Variants in PACS1 observed in about 807,000 individuals in gnomAD.
PACS1 encodes phosphofurin acidic cluster sorting protein 1.
Under a neutral mutation model 115.0 loss-of-function variants are expected in PACS1, and 24 were observed. The ratio of observed to expected loss-of-function variants is 0.21; its 90% CI spans 0.15 to 0.29. PACS1 has a LOEUF of 0.29. PACS1 is among the 10% of genes least tolerant of loss of function. The probability of loss-of-function intolerance (pLI) is 1.00; values close to 1 mark genes in which losing one functional copy is unlikely to be tolerated. For missense variants in PACS1, 838 were observed against 1,251.2 expected, an observed-to-expected ratio of 0.67 and a Z score of 4.98; for synonymous variants, 453 against 504.5, an observed-to-expected ratio of 0.90 and a Z score of 1.37.
chr11:66,070,696 G>A lies in PACS1; in HGVS notation c.210G>A (p.Ser70=). ...CGGCGGCTGCCTCCTCCTCGTCCTC[G>A]TCTACCTCCACCTCCATGGCCGTGG... ...TSAAAASSSS[S]STSTSMAVAV... is the part of the protein sequence containing the mutation. The change falls in exon 1 of 24, where the codon TCG becomes TCA. Residue 70 remains serine (S), a synonymous_variant. Transcript: ENST00000320580. The surrounding 1 kb of genome is among the most constrained non-coding windows in gnomAD (Gnocchi z 5.9). The A allele has an allele frequency of 6.3e-7, 1 of 1,580,956 alleles. No homozygotes were observed. The highest frequency in any genetic ancestry group is 8.5e-7 in the Non-Finnish European group (1 of 1,171,160).
intron 12 of PACS1, 25 bp downstream of exon 12, chr11:66,230,688 G>T (rs776391150): frequency 5.6e-6 from 9 of 1,610,014 alleles, no homozygotes; most frequent in Admixed American, 5.0e-5. Context: ...AAGGAAGCAG[G>T]GGGTACAGCC....
At chr11:66,196,553 T>A (rs2134677925) in intron 2 of PACS1, among the ~76,000 whole-genome samples, 1 of 152,326 alleles carries the variant, frequency 6.6e-6, no homozygotes, top group Non-Finnish European at 1.5e-5. Flanking sequence ...TGAACAGAGT[T>A]ACCCTATCAA....
At chr11:66,104,935 T>G (rs547343930) in intron 1 of PACS1, among the ~76,000 whole-genome samples, 1 of 152,324 alleles carries the variant, frequency 6.6e-6, no homozygotes, top group South Asian at 2.1e-4. Context: ...CAGTAAGTAA[T>G]TGTTGAATAA....
intron 1 of PACS1, among the ~76,000 whole-genome samples, chr11:66,082,292 A>G (rs1025653558): frequency 1.6e-4 from 24 of 152,132 alleles, no homozygotes; most frequent in African/African-American, 5.8e-4. Flanking sequence ...TGGTACAATC[A>G]TAGCTCACTG....
intron 4 of PACS1, among the ~76,000 whole-genome samples, chr11:66,214,496 C>A: frequency 6.6e-6 from 1 of 151,850 alleles, no homozygotes; most frequent in Non-Finnish European, 1.5e-5. Context: ...TCCTTCCTTC[C>A]TTCCTTCCTT....
chr11:66,180,231 C>CA lies in PACS1; in HGVS notation c.357-13248dup, dbSNP rs1164303640. Among the ~76,000 whole-genome samples, 2 of 151,604 alleles carry CA rather than the reference C, an allele frequency of 1.3e-5. 1 individual carries two copies. Among genetic ancestry groups the CA allele is most frequent in the South Asian group, 4.2e-4 (2 of 4,812 alleles). ...TGGGCAACAGTGAGAAACTTTGTCT[C>CA]AAAAAAACAAAAAACAAGATATTAA... On this transcript the variant is annotated intron_variant, in intron 1 of 23. Transcript: ENST00000320580.
intron 2 of PACS1, among the ~76,000 whole-genome samples, chr11:66,198,418 A>G (rs1854696592): frequency 2.0e-5 from 3 of 152,254 alleles, no homozygotes; most frequent in South Asian, 4.1e-4. Context: ...TCGGAATACT[A>G]TTTGGCAATA....
At chr11:66,202,743 AT>A (rs55787558) in intron 2 of PACS1, among the ~76,000 whole-genome samples, 8,223 of 58,634 alleles carry the variant, frequency 0.14, 2,031 homozygotes, top group Admixed American at 0.23. Flanking sequence ...AAAAAAAAAA[AT>A]ATATATATAT....
At chr11:66,084,593 A>T (rs997274832) in intron 1 of PACS1, among the ~76,000 whole-genome samples, 1 of 151,974 alleles carries the variant, frequency 6.6e-6, no homozygotes, top group African/African-American at 2.4e-5. Context: ...GGAGGTGGAG[A>T]TGAGAAAGTG....
At chr11:66,118,150 T>C (rs1380249965) in intron 1 of PACS1, among the ~76,000 whole-genome samples, 1 of 152,196 alleles carries the variant, frequency 6.6e-6, no homozygotes, top group African/African-American at 2.4e-5. Flanking sequence ...TAGGTATAAG[T>C]AAAGAGAATA....
intron 1 of PACS1, among the ~76,000 whole-genome samples, chr11:66,087,281 C>T (rs964775250): frequency 1.3e-5 from 2 of 151,708 alleles, no homozygotes; most frequent in African/African-American, 2.4e-5. Context: ...TGCTCTGTCG[C>T]CTAGGCTGGA....
rs10896101 is a variant in PACS1, at chr11:66,215,914, T to A, written c.661-205T>A. 0.16 allele frequency among the ~76,000 whole-genome samples: 22,519 copies of A among 137,110 alleles called. 1,856 individuals are homozygous for A. The highest frequency in any genetic ancestry group is 0.23 in the East Asian group (1,040 of 4,590). The allele number at this position is 137,110 out of a possible 152,430, so 89.9% of individuals were successfully genotyped here. ...GACTCCGTCTCAAAAATAATAATAA[T>A]AATAATAATAATAATAATAATAATA... On this transcript the variant is annotated intron_variant, in intron 4 of 23. Coordinates refer to ENST00000320580, the MANE Select transcript of PACS1 (RefSeq NM_018026.4).
At chr11:66,198,116 T>G (rs1854689529) in intron 2 of PACS1, among the ~76,000 whole-genome samples, 3 of 152,272 alleles carry the variant, frequency 2.0e-5, no homozygotes, top group Admixed American at 2.0e-4. Flanking sequence ...GGTCTTGCTG[T>G]GTTGCCCAGG....
In PACS1 at chr11:66,164,602, A is replaced by G. The variant is rs191796393; in HGVS notation, c.357-28884A>G. ...TTTATATATGTATTATATAATATAT[A>G]ATACATATATATATGTATTTTTTTT... is the stretch of plus-strand genomic sequence containing the variant. On this transcript the variant is annotated intron_variant, in intron 1 of 23. Coordinates refer to ENST00000320580, the MANE Select transcript of PACS1 (RefSeq NM_018026.4). Among the ~76,000 whole-genome samples the G allele has an allele frequency of 3.0e-3, 438 of 144,968 alleles. 2 individuals are homozygous for G. The highest frequency in any genetic ancestry group is 0.01 in the African/African-American group (410 of 39,770).
intron 1 of PACS1, among the ~76,000 whole-genome samples, chr11:66,169,566 A>ATAT (rs373276210): frequency 4.3e-5 from 5 of 115,314 alleles, no homozygotes; most frequent in Non-Finnish European, 6.6e-5. Flanking sequence ...CGCCCGGCTA[A>ATAT]TTTTTTTTTT....
intron 1 of PACS1, among the ~76,000 whole-genome samples, chr11:66,134,132 C>G (rs79683657): frequency 0.024 from 3,580 of 152,082 alleles, 130 homozygotes; most frequent in African/African-American, 0.081. Context: ...TAGCGTAATT[C>G]CCCACCATCC....
At chr11:66,178,480 G>T (rs1859926496) in intron 1 of PACS1, among the ~76,000 whole-genome samples, 5 of 152,066 alleles carry the variant, frequency 3.3e-5, no homozygotes, top group South Asian at 4.1e-4. Context: ...GCAGTTTTTT[G>T]ATTTTTTGCT....
At chr11:66,213,010 C>T (rs1401811876) in intron 4 of PACS1, among the ~76,000 whole-genome samples, 4 of 152,088 alleles carry the variant, frequency 2.6e-5, no homozygotes, top group Admixed American at 2.0e-4. Flanking sequence ...CCACCATGCC[C>T]GGCTAATTTT....
chr11:66,087,477 A>T (rs1360100867), intron 1 of PACS1, among the ~76,000 whole-genome samples: 1 of 152,188 alleles, frequency 6.6e-6, no homozygotes, highest in Admixed American at 6.5e-5. Flanking sequence ...GCCTGACCTT[A>T]GGTGATCCAC....
Sources: gnomAD v4.1 joint callset for allele counts (sites outside exome capture counted in the v4.1 genomes callset) on GRCh38, gnomAD v4.1.1 for gene constraint, Gnocchi (gnomAD v3.1) non-coding constraint, MANE v1.5 for transcripts, NCBI Gene and HGNC (gene_info 2026-07-23, HGNC 2026-07-21) for gene names.